HIPK3: variants seen among roughly 807,000 people sequenced by gnomAD.
HIPK3 encodes homeodomain interacting protein kinase 3.
Under a neutral mutation model 124.2 loss-of-function variants are expected in HIPK3, and 47 were observed. The observed-to-expected ratio is 0.38, with a 90% CI of 0.30 to 0.48. HIPK3 has a LOEUF of 0.48. HIPK3 is among the 20% of genes least tolerant of loss of function. The pLI, the probability that HIPK3 is intolerant of heterozygous loss-of-function variation, is 0.98. For synonymous variants in HIPK3, 482 were observed against 515.2 expected (o/e 0.94, Z 0.87); for missense variants, 1,286 against 1,454.3 (o/e 0.88, Z 1.88).
At chr11:33,271,246 A>G (rs1565055128) in intron 1 of HIPK3, among the ~76,000 whole-genome samples, 2 of 152,180 alleles carry the variant, frequency 1.3e-5, no homozygotes, top group South Asian at 4.1e-4. Context: ...TTATTTTCAT[A>G]TCTGAGATTC....
chr11:33,267,847 A>C (rs1197160807), intron 1 of HIPK3, among the ~76,000 whole-genome samples: 2 of 152,178 alleles, frequency 1.3e-5, no homozygotes. Flanking sequence ...TTTAACTTGG[A>C]GTCCTTAAAA....
intron 2 of HIPK3, among the ~76,000 whole-genome samples, chr11:33,310,281 T>TTTATCTATCTATC: frequency 8.3e-6 from 1 of 121,074 alleles, no homozygotes; most frequent in East Asian, 2.2e-4. Context: ...TCTGTCTATC[T>TTTATCTATCTATC]TATCTATCTA....
chr11:33,304,944 C>G (rs1356558612), intron 2 of HIPK3, among the ~76,000 whole-genome samples: 2 of 152,198 alleles, frequency 1.3e-5, no homozygotes, highest in Admixed American at 1.3e-4. Context: ...CTTATCATGA[C>G]AAGGATATTT....
intron 1 of HIPK3, among the ~76,000 whole-genome samples, chr11:33,273,849 A>G (rs1427664482): frequency 6.6e-6 from 1 of 152,178 alleles, no homozygotes; most frequent in African/African-American, 2.4e-5. Flanking sequence ...ACTATACTCA[A>G]GCTTATGCAG....
intron 1 of HIPK3, among the ~76,000 whole-genome samples, chr11:33,274,130 A>G (rs757603523): frequency 9.9e-5 from 15 of 152,198 alleles, no homozygotes; most frequent in Non-Finnish European, 1.8e-4. Context: ...ATTATCTCAT[A>G]CAAAAATCTT....
chr11:33,311,937 TACAC>T (rs1161756236), intron 2 of HIPK3, among the ~76,000 whole-genome samples: 1 of 46,736 alleles, frequency 2.1e-5, no homozygotes. Flanking sequence ...ACACACACAC[TACAC>T]ACACACACGG....
At chr11:33,268,810 C>T (rs1236844232) in intron 1 of HIPK3, among the ~76,000 whole-genome samples, 1 of 151,980 alleles carries the variant, frequency 6.6e-6, no homozygotes, top group Non-Finnish European at 1.5e-5. Context: ...CTGAAATCTC[C>T]TTAAAGTATC....
At chr11:33,335,136 G>A (rs1373694570) in intron 3 of HIPK3, among the ~76,000 whole-genome samples, 3 of 152,136 alleles carry the variant, frequency 2.0e-5, no homozygotes, top group Non-Finnish European at 4.4e-5. Context: ...CAGATCTGGG[G>A]GCAAATCAGT....
chr11:33,319,428 G>A (rs1411794490), intron 2 of HIPK3, among the ~76,000 whole-genome samples: 5 of 151,846 alleles, frequency 3.3e-5, no homozygotes, highest in Admixed American at 1.3e-4. Flanking sequence ...CCCAGGAGGC[G>A]GAGGTTGCAG....
intron 2 of HIPK3, among the ~76,000 whole-genome samples, chr11:33,303,250 T>C (rs551102206): frequency 1.1e-4 from 16 of 152,328 alleles, no homozygotes; most frequent in African/African-American, 3.1e-4. Context: ...AGATTACTTA[T>C]TATAATGCCT....
chr11:33,351,439 G>A (rs1853653839), intron 14 of HIPK3, among the ~76,000 whole-genome samples, 169 bp from the exon 15 acceptor site: 1 of 152,044 alleles, frequency 6.6e-6, no homozygotes, highest in Non-Finnish European at 1.5e-5. Context: ...ATTAATTTAA[G>A]GGTCTAGAAA....
At chr11:33,273,469 A>G (rs567545) in intron 1 of HIPK3, among the ~76,000 whole-genome samples, 2 of 4,956 alleles carry the variant, frequency 4.0e-4, no homozygotes, top group African/African-American at 1.5e-3. Context: ...AGATCACGCC[A>G]CTGCACCTCC....
At chr11:33,349,646 T>C (rs930622008) in intron 14 of HIPK3, among the ~76,000 whole-genome samples, 2 of 152,212 alleles carry the variant, frequency 1.3e-5, no homozygotes, top group African/African-American at 4.8e-5. Flanking sequence ...AGATGGGATC[T>C]TGCCCTGTTG....
Position 33,351,760 on chromosome 11 carries a change from C to T in HIPK3, c.2960C>T (p.Thr987Ile), listed in dbSNP as rs759837851. The change falls in exon 15 of 17, where the codon ACC becomes ATC. Residue 987 changes from threonine (T) to isoleucine (I), a missense_variant. Around this residue, in one of 3 missense-constraint regions of HIPK3, gnomAD observed 810 missense variants for 864.9 expected, o/e 0.94. Coordinates refer to ENST00000303296, the MANE Select transcript of HIPK3 (RefSeq NM_005734.5). ...TTGGTATCCTCTGCTGACACAGAAA[C>T]CAAGCCAGCTGTCTGTTCTGTTGTG... is the stretch of plus-strand genomic sequence containing the variant. ...TELVSSADTETKPAVCSVVVP... is the reference protein window; with the variant it reads ...TELVSSADTEIKPAVCSVVVP... 8 of 1,614,170 alleles carry T rather than the reference C, an allele frequency of 5.0e-6. No homozygotes were observed. The Admixed American group carries it at 1.3e-4, about 27-fold the overall frequency.
At chr11:33,342,000 CTGAAGCTGGGAAATGGAGGT>C (rs1853349156) in intron 8 of HIPK3, among the ~76,000 whole-genome samples, 1 of 146,544 alleles carries the variant, frequency 6.8e-6, no homozygotes, top group African/African-American at 2.5e-5. Flanking sequence ...ACTCGGGAGG[CTGAAGCTGGGAAATGGAGGT>C]TGAAGCTGGA....
At chr11:33,327,340 TGA>T (rs1443070814) in intron 2 of HIPK3, among the ~76,000 whole-genome samples, 1 of 152,174 alleles carries the variant, frequency 6.6e-6, no homozygotes, top group Non-Finnish European at 1.5e-5. Flanking sequence ...AAACCCACAC[TGA>T]GGGACGTTTC....
chr11:33,311,023 A>G (rs927644823), intron 2 of HIPK3, among the ~76,000 whole-genome samples: 20 of 152,068 alleles, frequency 1.3e-4, no homozygotes, highest in Non-Finnish European at 2.4e-4. Context: ...CAGGCTCTTG[A>G]CTACTACTTT....
chr11:33,297,744 G>T (rs1415425681), intron 2 of HIPK3, among the ~76,000 whole-genome samples: 1 of 144,044 alleles, frequency 6.9e-6, no homozygotes, highest in Non-Finnish European at 1.5e-5. Flanking sequence ...CTAGAGAGAA[G>T]TCAATGCCTG....
At chr11:33,292,817 G>A (rs957931064) in intron 2 of HIPK3, among the ~76,000 whole-genome samples, 6 of 152,148 alleles carry the variant, frequency 3.9e-5, no homozygotes, top group African/African-American at 1.4e-4. Context: ...CTTACTGCAA[G>A]CTCCGCGTCC....
Sources: allele counts gnomAD v4.1 joint callset (sites outside exome capture counted in the v4.1 genomes callset), GRCh38; gene constraint gnomAD v4.1.1; regional missense constraint gnomAD v4.1.1; transcripts MANE v1.5; gene names NCBI Gene and HGNC (gene_info 2026-07-23, HGNC 2026-07-21).